POP1: variants seen among roughly 807,000 people sequenced by gnomAD.
POP1 encodes the protein ribonucleases P/MRP protein subunit POP1.
Under a neutral mutation model 102.2 loss-of-function variants are expected in POP1, and 75 were observed. The observed-to-expected ratio is 0.73, with a 90% CI of 0.61 to 0.89. The LOEUF is 0.89. POP1 is among the 40% of genes least tolerant of loss of function. The pLI is 0.00. For missense variants in POP1, 1,116 were observed against 1,267.4 expected (o/e 0.88, Z 1.81); for synonymous variants, 436 against 464.1 (o/e 0.94, Z 0.78).
chr8:98,151,740 CTTTTTT>C (rs755019200), intron 14 of POP1, among the ~76,000 whole-genome samples: 1 of 112,930 alleles, frequency 8.9e-6, no homozygotes. Context: ...GCCTGGCTTG[CTTTTTT>C]TTTTTTTTTT....
intron 2 of POP1, among the ~76,000 whole-genome samples, chr8:98,124,104 AT>A (rs1389784518): frequency 1.3e-5 from 2 of 152,188 alleles, no homozygotes; most frequent in Non-Finnish European, 2.9e-5. Flanking sequence ...TGGAGGCAGT[AT>A]AAGGGCAGGG....
chr8:98,156,544 G>T, intron 15 of POP1, 132 bp downstream of exon 15: 1 of 1,172,440 alleles, frequency 8.5e-7, no homozygotes, highest in Non-Finnish European at 1.2e-6. Context: ...GGAAGGGAAA[G>T]CCAGTCTTTT....
chr8:98,130,136 C>G lies in POP1; in HGVS notation c.645C>G (p.Val215=). The change falls in exon 5 of 16, where the codon GTC becomes GTG. Residue 215 remains valine (V), a synonymous_variant. Coordinates refer to ENST00000401707, the MANE Select transcript of POP1 (RefSeq NM_001145860.2). ...HIWHAKRFHM[V]KKWGYCLGER... is the part of the protein sequence containing the mutation. ...GGCACGCCAAGCGGTTTCATATGGTCAAGAAGTGGGGCTACTGCCTTGGGG... is the reference window on the plus strand; with the variant it reads ...GGCACGCCAAGCGGTTTCATATGGTGAAGAAGTGGGGCTACTGCCTTGGGG... The G allele has an allele frequency of 6.2e-7, 1 of 1,614,150 alleles. No individual in the cohort carries two copies. Among genetic ancestry groups the G allele is most frequent in the South Asian group, 1.1e-5 (1 of 91,078 alleles).
At chr8:98,135,207 AG>A (rs1323541128) in intron 7 of POP1, among the ~76,000 whole-genome samples, 44 of 152,052 alleles carry the variant, frequency 2.9e-4, no homozygotes, top group African/African-American at 1.1e-3. Context: ...TGAGCCCAGG[AG>A]GCAGAGTTGC....
chr8:98,149,820 A>T (rs150205356), intron 13 of POP1, among the ~76,000 whole-genome samples: 3 of 152,160 alleles, frequency 2.0e-5, no homozygotes, highest in African/African-American at 4.8e-5. Context: ...CTTCGATTCT[A>T]GAGAGTGTAA....
intron 2 of POP1, among the ~76,000 whole-genome samples, chr8:98,124,589 A>G (rs113761044): frequency 6.6e-6 from 1 of 152,120 alleles, no homozygotes; most frequent in Non-Finnish European, 1.5e-5. Flanking sequence ...ATTATAATCT[A>G]TGTGAGATGA....
chr8:98,140,690 C>T, intron 10 of POP1, 79 bp from the exon 11 acceptor site: 7 of 1,483,296 alleles, frequency 4.7e-6, no homozygotes, highest in Non-Finnish European at 6.6e-6. Context: ...ATTAGGAAAT[C>T]TGAAAGATTT....
chr8:98,134,058 G>C (rs1816460257), intron 6 of POP1, 22 bp downstream of exon 6: 1 of 1,527,846 alleles, frequency 6.5e-7, no homozygotes. Context: ...TTAAAGCTGA[G>C]TTCTATTTTA....
chr8:98,155,347 C>T (rs1809619401), intron 14 of POP1, among the ~76,000 whole-genome samples: 1 of 152,230 alleles, frequency 6.6e-6, no homozygotes, highest in Non-Finnish European at 1.5e-5. Flanking sequence ...GTGGCATGAT[C>T]TTGGCTCACT....
intron 15 of POP1, among the ~76,000 whole-genome samples, chr8:98,157,350 A>G (rs1396708428): frequency 1.3e-5 from 2 of 152,108 alleles, no homozygotes; most frequent in Non-Finnish European, 2.9e-5. Context: ...TGTGATTACA[A>G]TCCTAGATTC....
intron 11 of POP1, among the ~76,000 whole-genome samples, chr8:98,144,116 A>G (rs1816780524): frequency 6.6e-6 from 1 of 152,052 alleles, no homozygotes; most frequent in Non-Finnish European, 1.5e-5. Context: ...AGATCGCACC[A>G]CCACACTCCA....
At chr8:98,118,741 C>T (rs1307471754) in intron 1 of POP1, among the ~76,000 whole-genome samples, 1 of 151,752 alleles carries the variant, frequency 6.6e-6, no homozygotes, top group African/African-American at 2.4e-5. Flanking sequence ...TTTTTCTTTC[C>T]CTTGTCCTGT....
At chr8:98,129,838 C>A in intron 4 of POP1, 140 bp from the exon 5 acceptor site, 1 of 982,910 alleles carries the variant, frequency 1.0e-6, no homozygotes, top group Non-Finnish European at 1.5e-6. Flanking sequence ...ATTGAAGAAA[C>A]TAAGTTAACA....
intron 9 of POP1, 133 bp from the exon 10 acceptor site, chr8:98,139,945 C>G: frequency 1.3e-6 from 1 of 748,598 alleles, no homozygotes; most frequent in South Asian, 1.5e-5. Flanking sequence ...GTGGCAACTT[C>G]CCTGGTTCAT....
chr8:98,132,817 C>T (rs1374387103), intron 5 of POP1, among the ~76,000 whole-genome samples: 2 of 148,750 alleles, frequency 1.3e-5, no homozygotes, highest in African/African-American at 2.5e-5. Context: ...TGCTTAGAAT[C>T]ACAGCATTTT....
chr8:98,156,077 C>T lies in POP1; in HGVS notation c.2085C>T (p.Tyr695=), dbSNP rs543568691. The change falls in exon 15 of 16, where the codon TAC becomes TAT. Residue 695 remains tyrosine (Y), a synonymous_variant. Transcript: ENST00000401707. ...KRRPPAKRPN[Y]VKLGTLAPFC... The stretch of plus-strand genomic sequence containing the variant: ...GCCCTCCTGCAAAACGGCCCAACTA[C>T]GTTAAGCTTGGCACTCTGGCACCTT... The T allele has an allele frequency of 8.7e-6, 14 of 1,613,904 alleles. No homozygotes were observed. Among genetic ancestry groups the T allele is most frequent in the Admixed American group, 5.0e-5 (3 of 60,010 alleles).
At chr8:98,148,486 C>T (rs1195403166) in intron 12 of POP1, among the ~76,000 whole-genome samples, 2 of 152,124 alleles carry the variant, frequency 1.3e-5, no homozygotes, top group Non-Finnish European at 2.9e-5. Context: ...ATCTTTTTTA[C>T]TTCATGACAC....
intron 14 of POP1, among the ~76,000 whole-genome samples, chr8:98,151,308 A>T (rs1227747701): frequency 6.6e-6 from 1 of 152,060 alleles, no homozygotes; most frequent in Non-Finnish European, 1.5e-5. Flanking sequence ...TCTCGATACC[A>T]ATTTTCCATA....
intron 1 of POP1, among the ~76,000 whole-genome samples, chr8:98,119,042 C>A (rs1169579644): frequency 6.6e-6 from 1 of 152,026 alleles, no homozygotes; most frequent in Non-Finnish European, 1.5e-5. Context: ...TAGAATAGTG[C>A]CTGCCACATC....
Sources: allele counts gnomAD v4.1 joint callset (sites outside exome capture counted in the v4.1 genomes callset), GRCh38; gene constraint gnomAD v4.1.1; transcripts MANE v1.5; gene names NCBI Gene and HGNC (gene_info 2026-07-23, HGNC 2026-07-21).